Variants in PODXL2 observed in about 807,000 individuals in gnomAD.
The protein encoded by PODXL2 is podocalyxin-like protein 2.
PODXL2 carries 17 observed loss-of-function variants against 53.4 expected under a neutral mutation model. The observed-to-expected ratio is 0.32, with a 90% confidence interval of 0.22 to 0.48. PODXL2 has a LOEUF of 0.48. Ranked by LOEUF, PODXL2 falls within the 20% of genes least tolerant of loss-of-function variation. The pLI, the probability that PODXL2 is intolerant of heterozygous loss-of-function variation, is 0.99. For missense variants in PODXL2, 673 were observed against 760.0 expected (o/e 0.89, Z 1.35); for synonymous variants, 311 against 306.7 (o/e 1.01, Z -0.15).
chr3:127,652,418 T>C (rs2074695616), intron 2 of PODXL2, among the ~76,000 whole-genome samples: 1 of 152,070 alleles, frequency 6.6e-6, no homozygotes, highest in Non-Finnish European at 1.5e-5. Flanking sequence ...GGAGCCTAAG[T>C]GTTATCCTGC....
In PODXL2 at chr3:127,655,372, C is replaced by T. The variant is rs192518624; in HGVS notation, c.350-5006C>T. 5.3e-3 allele frequency among the ~76,000 whole-genome samples: 802 copies of T among 152,184 alleles called. 7 individuals carry two copies. Among genetic ancestry groups the T allele is most frequent in the African/African-American group, 0.018 (750 of 41,516 alleles). On this transcript the variant is annotated intron_variant, in intron 2 of 7. Transcript: ENST00000342480. ...AGTGAGCCGAGATCACACCACTACACTTCAGCCTGGGCAACAGAGTGAGAC... is the reference window on the plus strand; with the variant it reads ...AGTGAGCCGAGATCACACCACTACATTTCAGCCTGGGCAACAGAGTGAGAC...
chr3:127,643,805 A>C (rs766546474), intron 2 of PODXL2, among the ~76,000 whole-genome samples: 46 of 151,080 alleles, frequency 3.0e-4, no homozygotes, highest in Non-Finnish European at 5.8e-4. Context: ...CGCCTGGTTA[A>C]TTTTTCTGTT....
At chr3:127,670,177 G>A (rs934937512) in intron 6 of PODXL2, among the ~76,000 whole-genome samples, 1 of 152,220 alleles carries the variant, frequency 6.6e-6, no homozygotes, top group Non-Finnish European at 1.5e-5. Flanking sequence ...GGTTGTGAGG[G>A]TTAAGTGAGG....
chr3:127,629,217 A>G lies in PODXL2; in HGVS notation c.-3A>G, dbSNP rs2074524156. 3 of 990,586 alleles carry G rather than the reference A, an allele frequency of 3.0e-6. No homozygotes were observed. Among genetic ancestry groups the G allele is most frequent in the Non-Finnish European group, 2.4e-6 (2 of 834,840 alleles). 61.4% of individuals were successfully genotyped at this position (990,586 alleles called of 1,614,324 possible). On this transcript the variant is annotated 5_prime_UTR_variant, in exon 1 of 8. Transcript: ENST00000342480. This position sits in a 1 kb window ranked among gnomAD's most constrained non-coding sequence, Gnocchi z 6.4. ...TGCGGCTGCAGGCGGCGACGGCTACACCATGGGCCGGCTGCTGCGGGCCGC... is the reference window on the plus strand; with the variant it reads ...TGCGGCTGCAGGCGGCGACGGCTACGCCATGGGCCGGCTGCTGCGGGCCGC...
At chr3:127,668,381 G>C in intron 4 of PODXL2, 60 bp from the exon 5 acceptor site, 1 of 1,385,832 alleles carries the variant, frequency 7.2e-7, no homozygotes, top group Non-Finnish European at 9.5e-7. Flanking sequence ...CCTAGAGGCA[G>C]AGGGCTCAGT....
At chr3:127,661,272 T>C in intron 3 of PODXL2, 113 bp downstream of exon 3, 1 of 752,262 alleles carries the variant, frequency 1.3e-6, no homozygotes, top group Non-Finnish European at 2.2e-6. Context: ...AGGGAGGCCC[T>C]TTCCACAGCA....
At chr3:127,631,867 T>C (rs1232428968) in intron 1 of PODXL2, among the ~76,000 whole-genome samples, 1 of 152,250 alleles carries the variant, frequency 6.6e-6, no homozygotes, top group African/African-American at 2.4e-5. Context: ...TGAAACTGTT[T>C]ACTGGAAAAG....
intron 2 of PODXL2, among the ~76,000 whole-genome samples, chr3:127,644,409 G>A (rs2074640319): frequency 6.6e-6 from 1 of 152,180 alleles, no homozygotes; most frequent in Non-Finnish European, 1.5e-5. Flanking sequence ...CCTGGCCAAG[G>A]AATGATTTAA....
intron 2 of PODXL2, among the ~76,000 whole-genome samples, chr3:127,659,804 T>G (rs561580944): frequency 3.3e-5 from 5 of 152,252 alleles, no homozygotes; most frequent in African/African-American, 4.8e-5. Flanking sequence ...GCCCCTGGCC[T>G]CTCTCTGGCT....
chr3:127,633,723 T>C (rs74460228), intron 1 of PODXL2, among the ~76,000 whole-genome samples: 32 of 152,160 alleles, frequency 2.1e-4, no homozygotes, highest in African/African-American at 7.5e-4. Flanking sequence ...ATGGAGGCTG[T>C]ATGAAGGTCT....
At position 127,660,621 on chromosome 3, in the gene PODXL2, A is replaced by C. The variant is rs760895857; in HGVS notation, c.593A>C (p.Glu198Ala). The C allele has an allele frequency of 8.7e-6, 14 of 1,614,210 alleles. No homozygotes were observed. Among genetic ancestry groups the C allele is most frequent in the Non-Finnish European group, 1.1e-5 (13 of 1,180,040 alleles). Residue 198 changes from glutamate to alanine, a missense_variant, in exon 3 of 8, where the codon GAA (glutamate) becomes GCA (alanine). Physicochemically the swap from Glu to Ala is moderately radical, Grantham distance 107. This residue lies in a region of PODXL2 where 588 missense variants were observed against 668.3 expected (regional missense o/e 0.88). Coordinates refer to ENST00000342480, the MANE Select transcript of PODXL2 (RefSeq NM_015720.4). Reference sequence around the variant, plus strand: ...CTCCCTGTGAATGGATCCCAAGAAGAAGCCAAGCCTCAGGTCCGTGACTTT... The same window carrying C: ...CTCCCTGTGAATGGATCCCAAGAAGCAGCCAAGCCTCAGGTCCGTGACTTT... The part of the protein sequence containing the change: ...ELLPVNGSQE[E>A]AKPQVRDFSL...
intron 2 of PODXL2, among the ~76,000 whole-genome samples, chr3:127,649,627 T>C (rs371388553): frequency 6.6e-6 from 1 of 152,236 alleles, no homozygotes; most frequent in African/African-American, 2.4e-5. Context: ...TGATGACTAT[T>C]GAGGTTGACT....
chr3:127,671,680 A>T, intron 7 of PODXL2, 67 bp downstream of exon 7: 1 of 1,463,310 alleles, frequency 6.8e-7, no homozygotes, highest in South Asian at 1.1e-5. Context: ...AGGTGTCCTC[A>T]TCTGCAAGGG....
chr3:127,642,118 C>T (rs943103543), intron 2 of PODXL2, among the ~76,000 whole-genome samples: 2 of 151,578 alleles, frequency 1.3e-5, no homozygotes, highest in African/African-American at 4.8e-5. Flanking sequence ...GGTGTAACTC[C>T]GTCTCTACTA....
At chr3:127,639,586 G>A (rs529157166) in intron 2 of PODXL2, 63 bp downstream of exon 2, 2 of 1,447,500 alleles carry the variant, frequency 1.4e-6, no homozygotes, top group African/African-American at 2.8e-5. Context: ...CAAAACACCA[G>A]GTGACCATTT....
intron 2 of PODXL2, among the ~76,000 whole-genome samples, chr3:127,642,915 G>A (rs920247105): frequency 2.0e-5 from 3 of 152,124 alleles, no homozygotes; most frequent in African/African-American, 4.8e-5. Flanking sequence ...TCTAGGAAAT[G>A]GAGATAATTA....
At chr3:127,665,976 C>G in intron 4 of PODXL2, 2 of 463,520 alleles carry the variant, frequency 4.3e-6, no homozygotes, top group Non-Finnish European at 8.7e-6. Context: ...ACTGGGGTGT[C>G]ACTGCTTCTA....
chr3:127,650,701 G>C (rs897431633), intron 2 of PODXL2, among the ~76,000 whole-genome samples: 5 of 152,034 alleles, frequency 3.3e-5, no homozygotes, highest in African/African-American at 1.2e-4. Context: ...CTGTCGCCCA[G>C]GCTGGAGTGC....
chr3:127,669,201 A>G lies in PODXL2; in HGVS notation c.1424A>G (p.Glu475Gly). 1 of 1,602,294 alleles carries G rather than the reference A, an allele frequency of 6.2e-7. No individual in the cohort carries two copies. The highest frequency in any genetic ancestry group is 8.5e-7 in the Non-Finnish European group (1 of 1,173,704). Residue 475 changes from glutamate (E) to glycine (G), a missense_variant and splice_region_variant, in exon 6 of 8, where the codon GAG becomes GGG. Glu to Gly is a moderately conservative substitution (Grantham distance 98). This residue lies in a region of PODXL2 where 588 missense variants were observed against 668.3 expected (regional missense o/e 0.88). Transcript: ENST00000342480. ...GGTGACATCCGCAGGAGCCTGGAGG[A>G]GGTAAGAGTGCAGGGACCTGGACCT... ...MLGDIRRSLEEIGIQNYSTTS... is the reference protein window; with the variant it reads ...MLGDIRRSLEGIGIQNYSTTS...
Sources: allele counts gnomAD v4.1 joint callset (sites outside exome capture counted in the v4.1 genomes callset), GRCh38; gene constraint gnomAD v4.1.1; regional missense constraint gnomAD v4.1.1; non-coding constraint Gnocchi (gnomAD v3.1); transcripts MANE v1.5; gene names NCBI Gene and HGNC (gene_info 2026-07-23, HGNC 2026-07-21).